The following ARHGEF11 variants were observed in gnomAD, a reference collection of about 807,000 sequenced individuals.
The protein encoded by ARHGEF11 is Rho guanine nucleotide exchange factor 11.
ARHGEF11 carries 55 observed loss-of-function variants against 193.7 expected under a neutral mutation model. That is an observed-to-expected ratio of 0.28 (90% confidence interval 0.23 to 0.36). The LOEUF is 0.36. ARHGEF11 is among the 10% of genes least tolerant of loss of function. The pLI is 1.00. For synonymous variants in ARHGEF11, 693 were observed against 768.0 expected (o/e 0.90, Z 1.62); for missense variants, 1,723 against 2,005.6 (o/e 0.86, Z 2.69).
At chr1:156,958,938 G>C (rs998921945) in intron 16 of ARHGEF11, 74 bp from the exon 17 acceptor site, 1 of 1,610,404 alleles carries the variant, frequency 6.2e-7, no homozygotes, top group African/African-American at 1.3e-5. Flanking sequence ...GAAAGAACAA[G>C]ACAAACACAT....
intron 1 of ARHGEF11, among the ~76,000 whole-genome samples, chr1:156,997,655 C>G (rs74495858): frequency 6.6e-6 from 1 of 152,014 alleles, no homozygotes; most frequent in Non-Finnish European, 1.5e-5. Context: ...TAACAGGAAC[C>G]CCAGGTCACA....
chr1:157,018,712 C>T (rs140837159), intron 1 of ARHGEF11, among the ~76,000 whole-genome samples: 1 of 150,108 alleles, frequency 6.7e-6, no homozygotes, highest in African/African-American at 2.4e-5. Flanking sequence ...AACAGAAGAA[C>T]AACATTGGAA....
chr1:156,959,268 C>T, intron 15 of ARHGEF11, 126 bp from the exon 16 acceptor site: 2 of 751,550 alleles, frequency 2.7e-6, no homozygotes, highest in East Asian at 2.7e-5. Context: ...GGCTTTCTGC[C>T]CTGTTAGTCT....
chr1:156,961,803 C>G lies in ARHGEF11; in HGVS notation c.1141-28G>C, dbSNP rs146986503. The G allele has an allele frequency of 6.4e-5, 102 of 1,599,922 alleles. No individual in the cohort carries two copies. In the Admixed American group the frequency reaches 6.7e-4, roughly 10 times the overall value. On this transcript the variant is annotated intron_variant, in intron 13 of 40. Coordinates refer to ENST00000368194, the MANE Select transcript of ARHGEF11 (RefSeq NM_198236.3). The stretch of plus-strand genomic sequence containing the variant: ...AGGAGGAGAGAGAACTGGGTTAGAG[C>G]AGTGGTTCTCCCCCAGCAGTGATTT...
chr1:157,016,500 G>A (rs1447598128), intron 1 of ARHGEF11, among the ~76,000 whole-genome samples: 3 of 152,124 alleles, frequency 2.0e-5, no homozygotes, highest in East Asian at 1.9e-4. Flanking sequence ...GATTACAGGC[G>A]TGAGCCACGG....
chr1:156,963,862 C>T (rs1429157982), intron 11 of ARHGEF11: 1 of 998,046 alleles, frequency 1.0e-6, no homozygotes, highest in Non-Finnish European at 1.3e-6. Context: ...AGAAAATGCT[C>T]TCTTCCTGTT....
At chr1:156,962,878 CAAAAAAAAAAAAAAAAAA>C (rs59159449) in intron 13 of ARHGEF11, among the ~76,000 whole-genome samples, 2 of 21,272 alleles carry the variant, frequency 9.4e-5, no homozygotes, top group South Asian at 2.9e-3. Context: ...GACTCCGTCT[CAAAAAAAAAAAAAAAAAA>C]AAAAAAAAAA....
chr1:157,025,437 G>A (rs1670528260), intron 1 of ARHGEF11, among the ~76,000 whole-genome samples: 1 of 152,210 alleles, frequency 6.6e-6, no homozygotes, highest in South Asian at 2.1e-4. Flanking sequence ...CTGGTAGAGA[G>A]GGAAAAAGGA....
chr1:156,949,021 C>T (rs1658668337), intron 22 of ARHGEF11: 35 of 985,440 alleles, frequency 3.6e-5, no homozygotes, highest in Non-Finnish European at 4.2e-5. Flanking sequence ...ATTCACAGCT[C>T]ATTTTAGGAT....
chr1:157,002,783 G>C (rs1477230850), intron 1 of ARHGEF11, among the ~76,000 whole-genome samples: 8 of 152,138 alleles, frequency 5.3e-5, no homozygotes, highest in Admixed American at 6.6e-5. Flanking sequence ...AATAATAAGA[G>C]CTAGCAAATT....
chr1:156,964,079 G>C (rs1661365273), intron 11 of ARHGEF11, among the ~76,000 whole-genome samples: 1 of 152,162 alleles, frequency 6.6e-6, no homozygotes, highest in South Asian at 2.1e-4. Flanking sequence ...AATGATCGGA[G>C]AGCCTACTAG....
intron 1 of ARHGEF11, among the ~76,000 whole-genome samples, chr1:156,999,528 T>C (rs1009528229): frequency 1.8e-4 from 27 of 152,042 alleles, no homozygotes; most frequent in Non-Finnish European, 3.8e-4. Flanking sequence ...AAAGATTCTC[T>C]CTAAAGAATA....
At position 156,955,817 on chromosome 1, in the gene ARHGEF11, A is replaced by G; in HGVS notation, c.1672-18T>C. ...TTGCTGCTCTGCTGAGACAGGAGAC[A>G]CTGGTGTTTGCAGGAGGTCCTGATA... On this transcript the variant is annotated intron_variant, in intron 19 of 40. Coordinates refer to ENST00000368194, the MANE Select transcript of ARHGEF11 (RefSeq NM_198236.3). The G allele has an allele frequency of 6.2e-7, 1 of 1,603,420 alleles. No homozygotes were observed. The highest frequency in any genetic ancestry group is 8.5e-7 in the Non-Finnish European group (1 of 1,170,654).
chr1:156,986,795 C>A (rs1664983218), intron 1 of ARHGEF11, among the ~76,000 whole-genome samples: 1 of 152,158 alleles, frequency 6.6e-6, no homozygotes, highest in Admixed American at 6.5e-5. Context: ...TGAGTATAAG[C>A]CCGCTGGGTA....
At chr1:156,961,130 T>C (rs1660772456) in intron 14 of ARHGEF11, among the ~76,000 whole-genome samples, 1 of 152,256 alleles carries the variant, frequency 6.6e-6, no homozygotes, top group African/African-American at 2.4e-5. Flanking sequence ...GGGATGGCGA[T>C]TGCCCTTTGC....
chr1:156,961,624 T>C, intron 14 of ARHGEF11, 53 bp downstream of exon 14: 8 of 1,525,712 alleles, frequency 5.2e-6, no homozygotes, highest in Non-Finnish European at 7.3e-6. Flanking sequence ...TCCCTGCCTC[T>C]GAGTAGTTCA....
chr1:157,028,118 C>G (rs1431758942), intron 1 of ARHGEF11, among the ~76,000 whole-genome samples: 4 of 152,078 alleles, frequency 2.6e-5, no homozygotes, highest in Non-Finnish European at 4.4e-5. Flanking sequence ...GAATTCTGAG[C>G]AAAATAAATG....
intron 28 of ARHGEF11, 125 bp downstream of exon 28, chr1:156,946,537 G>C: frequency 7.6e-7 from 1 of 1,324,188 alleles, no homozygotes; most frequent in African/African-American, 1.5e-5. Flanking sequence ...TTTGAGGAGC[G>C]TGTGTCGAAG....
At chr1:156,951,478 G>C in intron 22 of ARHGEF11, 95 bp downstream of exon 22, 5 of 1,530,054 alleles carry the variant, frequency 3.3e-6, no homozygotes, top group Non-Finnish European at 4.4e-6. Context: ...GAAGCTAGTG[G>C]AGAGGGGTCA....
Sources: allele counts gnomAD v4.1 joint callset (sites outside exome capture counted in the v4.1 genomes callset), GRCh38; gene constraint gnomAD v4.1.1; transcripts MANE v1.5; gene names NCBI Gene and HGNC (gene_info 2026-07-23, HGNC 2026-07-21).